The following DNM3 variants were observed in gnomAD, a reference collection of about 807,000 sequenced individuals.
DNM3 encodes the protein dynamin 3, also known as dynamin-3.
A neutral mutation model predicts 101.6 loss-of-function variants in DNM3; 47 were observed. The observed-to-expected ratio is 0.46, with a 90% CI of 0.37 to 0.59. The LOEUF is 0.59. DNM3 is among the 20% of genes least tolerant of loss of function. DNM3 has a pLI of 0.00. For missense variants in DNM3, 849 were observed against 1,085.7 expected (o/e 0.78, Z 3.06); for synonymous variants, 385 against 387.9 (o/e 0.99, Z 0.09).
chr1:172,339,071 T>C, intron 17 of DNM3: 1 of 492,244 alleles, frequency 2.0e-6, no homozygotes, highest in Non-Finnish European at 4.1e-6. Context: ...TGATTACTAT[T>C]GAAGAAAAGT....
At chr1:172,317,274 T>C (rs370568064) in intron 16 of DNM3, among the ~76,000 whole-genome samples, 419 of 150,264 alleles carry the variant, frequency 2.8e-3, no homozygotes, top group African/African-American at 9.8e-3. Flanking sequence ...TAAATGCCCA[T>C]AAGAGAAAGC....
At chr1:171,937,931 T>C (rs1017000416) in intron 2 of DNM3, among the ~76,000 whole-genome samples, 2 of 152,218 alleles carry the variant, frequency 1.3e-5, no homozygotes, top group Admixed American at 6.5e-5. Flanking sequence ...AAGCTGTTGG[T>C]CTTTGAATCA....
At chr1:172,358,546 T>C (rs1178490418) in intron 17 of DNM3, among the ~76,000 whole-genome samples, 1 of 152,044 alleles carries the variant, frequency 6.6e-6, no homozygotes, top group Non-Finnish European at 1.5e-5. Flanking sequence ...CTATTTTTAT[T>C]TTAGCCAAAT....
intron 14 of DNM3, chr1:172,138,515 CA>C (rs2057386651): frequency 6.1e-6 from 1 of 163,752 alleles, no homozygotes; most frequent in South Asian, 1.5e-4. Context: ...AAGCTGTGTA[CA>C]ATAAAGGTCA....
Position 171,900,798 on chromosome 1 carries a change from T to A in DNM3, c.162-20950T>A, listed in dbSNP as rs1418464721. On this transcript the variant is annotated intron_variant, in intron 1 of 20. Transcript: ENST00000627582. ...TTTTTATACTAATGCCGATAAAATA[T>A]GCATATTATTGATACTTTGAAATGT... is the stretch of plus-strand genomic sequence containing the variant. Among the ~76,000 whole-genome samples, 8 of 152,144 alleles carry A rather than the reference T, an allele frequency of 5.3e-5. No homozygotes were observed. The East Asian group carries it at 1.4e-3, about 26-fold the overall frequency.
At chr1:172,075,445 G>A (rs113083886) in intron 11 of DNM3, among the ~76,000 whole-genome samples, 1,604 of 152,186 alleles carry the variant, frequency 0.011, 33 homozygotes, top group African/African-American at 0.037. Flanking sequence ...TATGCTTTTA[G>A]GTCTTGTGTT....
chr1:171,847,533 C>T (rs894462713), intron 1 of DNM3, among the ~76,000 whole-genome samples: 1 of 93,524 alleles, frequency 1.1e-5, no homozygotes, highest in South Asian at 3.0e-4. Context: ...AGAAGAGCAG[C>T]AAGGAAAAAA....
At chr1:172,207,601 A>C (rs2060367797) in intron 14 of DNM3, among the ~76,000 whole-genome samples, 1 of 152,090 alleles carries the variant, frequency 6.6e-6, no homozygotes, top group Non-Finnish European at 1.5e-5. Flanking sequence ...TTTGGTTCTC[A>C]GATTTATACT....
Position 172,041,007 on chromosome 1 carries a change from T to C in DNM3, c.993-1002T>C, listed in dbSNP as rs551228193. On this transcript the variant is annotated intron_variant, in intron 7 of 20. Transcript: ENST00000627582. ...TGGGAGATGGGCTAAAGAGTTTTGATTGTATTATCGAATTGTGGGGATCCA... is the reference window on the plus strand; with the variant it reads ...TGGGAGATGGGCTAAAGAGTTTTGACTGTATTATCGAATTGTGGGGATCCA... 2.8e-3 allele frequency among the ~76,000 whole-genome samples: 431 copies of C among 152,144 alleles called. 3 individuals are homozygous for C. The highest frequency in any genetic ancestry group is 9.8e-3 in the African/African-American group (406 of 41,516).
intron 15 of DNM3, among the ~76,000 whole-genome samples, chr1:172,256,854 G>T (rs1269213750): frequency 6.7e-6 from 1 of 148,672 alleles, no homozygotes; most frequent in East Asian, 2.0e-4. Flanking sequence ...TACAATTTTT[G>T]AAATTTAACA....
chr1:172,049,221 A>G (rs376086787), intron 10 of DNM3, among the ~76,000 whole-genome samples: 3 of 152,182 alleles, frequency 2.0e-5, no homozygotes, highest in South Asian at 4.2e-4. Context: ...TGGGGTTTCA[A>G]TGACCTAGAT....
downstream of DNM3, among the ~76,000 whole-genome samples, chr1:172,414,675 C>G (rs540897980): frequency 2.3e-4 from 35 of 151,116 alleles, no homozygotes; most frequent in Middle Eastern, 3.4e-3. Context: ...ATGTACTACT[C>G]AGGAGGCTGA....
At chr1:172,351,348 A>G (rs932445151) in intron 17 of DNM3, among the ~76,000 whole-genome samples, 20 of 152,208 alleles carry the variant, frequency 1.3e-4, no homozygotes, top group Non-Finnish European at 2.5e-4. Context: ...CTATAGAATA[A>G]TTGATGGTTT....
chr1:172,068,717 T>C, intron 10 of DNM3, 102 bp from the exon 11 acceptor site: 1 of 1,019,490 alleles, frequency 9.8e-7, no homozygotes. Flanking sequence ...GCTTCCAGAA[T>C]GGCAATGAAT....
chr1:171,907,187 C>G (rs999451555), intron 1 of DNM3, among the ~76,000 whole-genome samples: 1 of 152,162 alleles, frequency 6.6e-6, no homozygotes, highest in African/African-American at 2.4e-5. Flanking sequence ...ATGGCTAATG[C>G]AATCCTTTAA....
chr1:171,864,571 C>A (rs186275360), intron 1 of DNM3: 3 of 152,264 alleles, frequency 2.0e-5, no homozygotes, highest in South Asian at 4.1e-4. Context: ...TAAGTGGAGG[C>A]CCCTGAGCTT....
intron 12 of DNM3, among the ~76,000 whole-genome samples, chr1:172,088,918 T>C (rs1353598733): frequency 1.3e-5 from 2 of 152,222 alleles, no homozygotes; most frequent in Non-Finnish European, 2.9e-5. Context: ...TAATGTACTC[T>C]TATTTTTATA....
intron 2 of DNM3, among the ~76,000 whole-genome samples, chr1:171,968,641 G>A (rs1249776547): frequency 6.6e-6 from 1 of 152,124 alleles, no homozygotes; most frequent in Non-Finnish European, 1.5e-5. Flanking sequence ...CAGCTTGAGT[G>A]ACCCCATTTT....
At chr1:172,125,023 C>A (rs1041963477) in intron 13 of DNM3, among the ~76,000 whole-genome samples, 5 of 152,170 alleles carry the variant, frequency 3.3e-5, no homozygotes, top group African/African-American at 1.2e-4. Context: ...AACTGGGTGA[C>A]TGGACTGTCC....
Sources: gnomAD v4.1 joint callset for allele counts (sites outside exome capture counted in the v4.1 genomes callset) on GRCh38, gnomAD v4.1.1 for gene constraint, MANE v1.5 for transcripts, NCBI Gene and HGNC (gene_info 2026-07-23, HGNC 2026-07-21) for gene names.